Variants in ARHGEF10L observed in about 807,000 individuals in gnomAD.
The protein encoded by ARHGEF10L is rho guanine nucleotide exchange factor 10-like protein.
Under a neutral mutation model 141.2 loss-of-function variants are expected in ARHGEF10L, and 69 were observed. The observed-to-expected ratio is 0.49, with a 90% confidence interval of 0.40 to 0.60. The LOEUF (loss-of-function observed/expected upper bound fraction) is 0.60, where lower values mean the gene tolerates loss of function less well. Among genes scored for constraint, ARHGEF10L ranks in the 20% least tolerant of loss-of-function variants. The pLI is 0.00. For synonymous variants in ARHGEF10L, 711 were observed against 718.5 expected (o/e 0.99, Z 0.17); for missense variants, 1,482 against 1,734.3 (o/e 0.85, Z 2.58).
In ARHGEF10L at chr1:17,616,595, C is replaced by T. The variant is rs577920858; in HGVS notation, c.835+393C>T. Reference sequence around the variant, plus strand: ...CTGACATTTACGGAATCCTACTAAGCGCCACAGCCTGTGCTGCATGCAGGG... The same window carrying T: ...CTGACATTTACGGAATCCTACTAAGTGCCACAGCCTGTGCTGCATGCAGGG... On this transcript the variant is annotated intron_variant, in intron 9 of 28. Coordinates refer to ENST00000361221, the MANE Select transcript of ARHGEF10L (RefSeq NM_018125.4). Among the ~76,000 whole-genome samples, 219 of 152,358 alleles carry T rather than the reference C, an allele frequency of 1.4e-3. 1 individual carries two copies. The highest frequency in any genetic ancestry group is 4.7e-3 in the African/African-American group (196 of 41,586).
intron 18 of ARHGEF10L, among the ~76,000 whole-genome samples, 165 bp from the exon 19 acceptor site, chr1:17,637,723 C>T (rs1271835520): frequency 2.6e-5 from 4 of 152,198 alleles, no homozygotes; most frequent in Admixed American, 2.6e-4. Flanking sequence ...CCAGGATGGT[C>T]TCGATCTCCT....
upstream of ARHGEF10L, among the ~76,000 whole-genome samples, chr1:17,534,724 G>A (rs534887132): frequency 1.3e-5 from 2 of 151,102 alleles, no homozygotes; most frequent in South Asian, 2.1e-4. Context: ...CTAGTAGCTG[G>A]GATTGCAGGC....
the ARHGEF10L span, among the ~76,000 whole-genome samples, chr1:17,527,891 TAG>T: frequency 6.8e-6 from 1 of 147,882 alleles, no homozygotes; most frequent in Non-Finnish European, 1.5e-5. Context: ...TTTTTTGAGA[TAG>T]AGTCTCACTC....
In ARHGEF10L at chr1:17,616,124, G is replaced by A; in HGVS notation, c.757G>A (p.Gly253Arg). 5 of 1,613,810 alleles carry A rather than the reference G, an allele frequency of 3.1e-6. No homozygotes were observed. The highest frequency in any genetic ancestry group is 4.2e-6 in the Non-Finnish European group (5 of 1,180,006). Residue 253 changes from glycine (G) to arginine (R), a missense_variant, in exon 9 of 29, where the codon GGG becomes AGG. This residue lies in a region of ARHGEF10L where 392 missense variants were observed against 542.1 expected (regional missense o/e 0.72). Transcript: ENST00000361221. ...MTQLMKAAKS[G>R]TKDGLEKTRM... ...CCAGCTCATGAAGGCCGCCAAGAGC[G>A]GGACCAAGGATGGGCTGGAGAAGAC...
chr1:17,607,605 C>A lies in ARHGEF10L; in HGVS notation c.434-197C>A, dbSNP rs1196601186. Among the ~76,000 whole-genome samples the A allele has an allele frequency of 6.6e-6, 1 of 152,210 alleles. No individual in the cohort carries two copies. The highest frequency in any genetic ancestry group is 2.1e-4 in the South Asian group (1 of 4,830). On this transcript the variant is annotated intron_variant, in intron 6 of 28. Coordinates refer to ENST00000361221, the MANE Select transcript of ARHGEF10L (RefSeq NM_018125.4). This position sits in a 1 kb window ranked among gnomAD's most constrained non-coding sequence, Gnocchi z 4.5. ...TTGGGTTTTCCCCATTTTCTCAGGCCCTCCTTGCCCTACGAGGGGGAAAAT... is the reference window on the plus strand; with the variant it reads ...TTGGGTTTTCCCCATTTTCTCAGGCACTCCTTGCCCTACGAGGGGGAAAAT...
At position 17,573,612 on chromosome 1, in the gene ARHGEF10L, G is replaced by A. The variant is rs1481943920; in HGVS notation, c.-43-6941G>A. ...AGAGCAGGAGGAGGAGGTAGAGGAG[G>A]GGGGCTGGAGATAGAGTCTGGGGCC... On this transcript the variant is annotated intron_variant, in intron 1 of 28. Coordinates refer to ENST00000361221, the MANE Select transcript of ARHGEF10L (RefSeq NM_018125.4). The surrounding 1 kb of genome is among the most constrained non-coding windows in gnomAD (Gnocchi z 4.8). 2.6e-5 allele frequency among the ~76,000 whole-genome samples: 4 copies of A among 152,086 alleles called. No homozygotes were observed. Among genetic ancestry groups the A allele is most frequent in the Non-Finnish European group, 4.4e-5 (3 of 68,002 alleles).
chr1:17,600,794 A>G (rs1010089115), intron 4 of ARHGEF10L, among the ~76,000 whole-genome samples: 5 of 152,126 alleles, frequency 3.3e-5, no homozygotes, highest in African/African-American at 1.2e-4. Context: ...TCACTCCTGT[A>G]ATCCCAGCAC....
chr1:17,638,820 T>C, intron 20 of ARHGEF10L, 131 bp downstream of exon 20: 1 of 1,350,376 alleles, frequency 7.4e-7, no homozygotes, highest in Non-Finnish European at 1.0e-6. Flanking sequence ...TATGTAGGCA[T>C]CGTGGGCCAT....
In ARHGEF10L at chr1:17,561,439, C is replaced by G. The variant is rs759502427; in HGVS notation, c.-43-19114C>G. Reference sequence around the variant, plus strand: ...CTGGCTTTTCCTTGGTCCTGCCCCCCGCAGCCTTGCAGTCAGAGGCAGCCC... The same window carrying G: ...CTGGCTTTTCCTTGGTCCTGCCCCCGGCAGCCTTGCAGTCAGAGGCAGCCC... On this transcript the variant is annotated intron_variant, in intron 1 of 28. Coordinates refer to ENST00000361221, the MANE Select transcript of ARHGEF10L (RefSeq NM_018125.4). Among the ~76,000 whole-genome samples, 19 of 152,318 alleles carry G rather than the reference C, an allele frequency of 1.2e-4. 1 individual carries two copies. The highest frequency in any genetic ancestry group is 2.5e-4 in the Non-Finnish European group (17 of 68,028).
At chr1:17,647,108 C>T (rs192020112) in intron 21 of ARHGEF10L, among the ~76,000 whole-genome samples, 1 of 152,230 alleles carries the variant, frequency 6.6e-6, no homozygotes, top group East Asian at 1.9e-4. Context: ...GACAGAGCTA[C>T]TCTAGCATCA....
At chr1:17,664,324 A>G in intron 25 of ARHGEF10L, 123 bp from the exon 26 acceptor site, 1 of 1,113,462 alleles carries the variant, frequency 9.0e-7, no homozygotes, top group East Asian at 2.9e-5. Context: ...GGAGAGAGAA[A>G]GGCCCTGGAG....
chr1:17,689,864 G>A (rs947755738), intron 27 of ARHGEF10L: 1 of 455,994 alleles, frequency 2.2e-6, no homozygotes, highest in Non-Finnish European at 4.4e-6. Flanking sequence ...CAAGTGGTGG[G>A]AGGCAGGATG....
At chr1:17,675,788 G>GGA (rs2063634116) in intron 26 of ARHGEF10L, among the ~76,000 whole-genome samples, 1 of 148,136 alleles carries the variant, frequency 6.8e-6, no homozygotes, top group African/African-American at 2.5e-5. Context: ...GTGCAGGTGT[G>GGA]TTCAGGTGTA....
chr1:17,655,751 ATG>A (rs2062200779), intron 23 of ARHGEF10L, 126 bp from the exon 24 acceptor site: 1 of 804,092 alleles, frequency 1.2e-6, no homozygotes, highest in African/African-American at 1.7e-5. Flanking sequence ...TGAAGGCAGG[ATG>A]TGTGTGGGCA....
At chr1:17,682,141 TTC>T (rs946204259) in intron 26 of ARHGEF10L, among the ~76,000 whole-genome samples, 1 of 152,210 alleles carries the variant, frequency 6.6e-6, no homozygotes, top group African/African-American at 2.4e-5. Flanking sequence ...TTCCTTGCTT[TTC>T]ATCTGTGAGA....
At chr1:17,624,334 T>A in intron 12 of ARHGEF10L, 53 bp from the exon 13 acceptor site, 1 of 1,465,566 alleles carries the variant, frequency 6.8e-7, no homozygotes, top group South Asian at 1.1e-5. Flanking sequence ...CCTCGTTTCC[T>A]TCTGCTCCCT....
At position 17,615,926 on chromosome 1, in the gene ARHGEF10L, G is replaced by C. The variant is rs1254826623; in HGVS notation, c.727-168G>C. ...AAGAGGGAGATCCCCGGGCATGAACGCACCTTCTCACCCCCACTGTCGTCC... is the reference window on the plus strand; with the variant it reads ...AAGAGGGAGATCCCCGGGCATGAACCCACCTTCTCACCCCCACTGTCGTCC... On this transcript the variant is annotated intron_variant, in intron 8 of 28. Transcript: ENST00000361221. The surrounding 1 kb of genome is among the most constrained non-coding windows in gnomAD (Gnocchi z 4.7). 22 of 615,784 alleles carry C rather than the reference G, an allele frequency of 3.6e-5. No individual in the cohort carries two copies. Among genetic ancestry groups the C allele is most frequent in the Non-Finnish European group, 5.4e-5 (18 of 336,364 alleles). 38.1% of individuals were successfully genotyped at this position (615,784 alleles called of 1,614,324 possible).
chr1:17,581,961 G>T (rs574842470), intron 2 of ARHGEF10L, among the ~76,000 whole-genome samples: 225 of 152,166 alleles, frequency 1.5e-3, no homozygotes, highest in South Asian at 4.2e-3. Flanking sequence ...TCGCCTCCTG[G>T]ACTCGCTTGT....
the ARHGEF10L span, among the ~76,000 whole-genome samples, chr1:17,517,709 G>A: frequency 6.6e-6 from 1 of 151,788 alleles, no homozygotes; most frequent in Admixed American, 6.6e-5. Context: ...CACCCAGGCT[G>A]GAGTACAATG....
Sources: gnomAD v4.1 joint callset for allele counts (sites outside exome capture counted in the v4.1 genomes callset) on GRCh38, gnomAD v4.1.1 for gene constraint, gnomAD v4.1.1 regional missense constraint, Gnocchi (gnomAD v3.1) non-coding constraint, MANE v1.5 for transcripts, NCBI Gene and HGNC (gene_info 2026-07-23, HGNC 2026-07-21) for gene names.